The following FOXN3 variants were observed in gnomAD, a reference collection of about 807,000 sequenced individuals.
FOXN3 encodes the protein forkhead box protein N3.
A neutral mutation model predicts 38.4 loss-of-function variants in FOXN3; 7 were observed. The observed-to-expected ratio is 0.18, with a 90% CI of 0.10 to 0.34. FOXN3 has a LOEUF of 0.34. Ranked by LOEUF, FOXN3 falls within the 10% of genes least tolerant of loss-of-function variation. The pLI is 1.00. For synonymous variants in FOXN3, 230 were observed against 242.2 expected, an observed-to-expected ratio of 0.95 and a Z score of 0.47; for missense variants, 456 against 613.4, an observed-to-expected ratio of 0.74 and a Z score of 2.71.
intron 1 of FOXN3, among the ~76,000 whole-genome samples, chr14:89,482,298 G>A (rs977912755): frequency 1.3e-5 from 2 of 152,174 alleles, no homozygotes; most frequent in African/African-American, 4.8e-5. Flanking sequence ...CTGACCAATG[G>A]CCTGTCACCT....
intron 4 of FOXN3, among the ~76,000 whole-genome samples, chr14:89,262,273 G>GA (rs1186714651): frequency 1.3e-5 from 2 of 152,208 alleles, no homozygotes; most frequent in Non-Finnish European, 2.9e-5. Flanking sequence ...ATTCATTGAG[G>GA]ATGGGGCCAG....
At chr14:89,366,595 G>A (rs950625838) in intron 2 of FOXN3, among the ~76,000 whole-genome samples, 5 of 152,202 alleles carry the variant, frequency 3.3e-5, no homozygotes, top group Non-Finnish European at 5.9e-5. Context: ...TAAATAATGT[G>A]TTTAAATACA....
chr14:89,332,016 G>A (rs3783856), intron 3 of FOXN3, among the ~76,000 whole-genome samples: 74,533 of 151,484 alleles, frequency 0.49, 19,882 homozygotes, highest in Admixed American at 0.59. Flanking sequence ...AAGTTATAAT[G>A]AGCTGCGTTT....
intron 1 of FOXN3, among the ~76,000 whole-genome samples, chr14:89,429,399 G>A (rs755644040): frequency 4.6e-5 from 7 of 152,162 alleles, no homozygotes; most frequent in Non-Finnish European, 8.8e-5. Flanking sequence ...GCCTCTCAAC[G>A]CACTGGCTTG....
chr14:89,181,305 A>G (rs1473874368), intron 4 of FOXN3, among the ~76,000 whole-genome samples: 1 of 152,216 alleles, frequency 6.6e-6, no homozygotes, highest in African/African-American at 2.4e-5. Flanking sequence ...ACAACTCAAA[A>G]ACCCCAACAC....
chr14:89,365,994 G>A (rs1890130477), intron 2 of FOXN3, among the ~76,000 whole-genome samples: 1 of 152,220 alleles, frequency 6.6e-6, no homozygotes, highest in Non-Finnish European at 1.5e-5. Context: ...GCTCACGACT[G>A]TAATCCCAGC....
At chr14:89,386,061 A>G (rs910041909) in intron 2 of FOXN3, among the ~76,000 whole-genome samples, 2 of 152,100 alleles carry the variant, frequency 1.3e-5, no homozygotes, top group African/African-American at 4.8e-5. Flanking sequence ...TTGTCAACTC[A>G]GCAAGTTTAT....
chr14:89,591,704 C>T (rs769369002), intron 1 of FOXN3, among the ~76,000 whole-genome samples: 1 of 152,164 alleles, frequency 6.6e-6, no homozygotes, highest in Non-Finnish European at 1.5e-5. Flanking sequence ...GCAGGAGGAT[C>T]GCTTAAGCCC....
chr14:89,327,539 C>T (rs1399682367), intron 3 of FOXN3, among the ~76,000 whole-genome samples: 1 of 152,180 alleles, frequency 6.6e-6, no homozygotes, highest in East Asian at 1.9e-4. Flanking sequence ...TGGTAAAAGG[C>T]ACCTCTACCC....
At chr14:89,289,947 A>G (rs1297538479) in intron 3 of FOXN3, among the ~76,000 whole-genome samples, 1 of 152,238 alleles carries the variant, frequency 6.6e-6, no homozygotes, top group South Asian at 2.1e-4. Context: ...TGAGGGGAAC[A>G]GACTTCTTTT....
At chr14:89,317,144 A>C (rs2139967475) in intron 3 of FOXN3, among the ~76,000 whole-genome samples, 1 of 152,358 alleles carries the variant, frequency 6.6e-6, no homozygotes, top group South Asian at 2.1e-4. Flanking sequence ...AAAAACAAAA[A>C]ATAAGTAAAA....
intron 1 of FOXN3, among the ~76,000 whole-genome samples, chr14:89,505,409 C>T (rs1021581650): frequency 1.3e-5 from 2 of 152,088 alleles, no homozygotes; most frequent in African/African-American, 4.8e-5. Flanking sequence ...CGAGTGCCTG[C>T]GATTGCAGGC....
intron 3 of FOXN3, among the ~76,000 whole-genome samples, chr14:89,331,881 C>T (rs569143900): frequency 6.6e-6 from 1 of 152,164 alleles, no homozygotes; most frequent in African/African-American, 2.4e-5. Flanking sequence ...GAGTGGTAAT[C>T]TTTATTTTAG....
At chr14:89,514,855 C>T (rs560056460) in intron 1 of FOXN3, among the ~76,000 whole-genome samples, 1 of 152,160 alleles carries the variant, frequency 6.6e-6, no homozygotes, top group South Asian at 2.1e-4. Flanking sequence ...TTAAATTGAT[C>T]GCCATCTGTG....
intron 3 of FOXN3, among the ~76,000 whole-genome samples, chr14:89,320,201 C>T (rs1021604758): frequency 6.6e-6 from 1 of 152,158 alleles, no homozygotes; most frequent in South Asian, 2.1e-4. Flanking sequence ...TTGCAGCCTC[C>T]CAAGGGTGGG....
intron 5 of FOXN3, among the ~76,000 whole-genome samples, chr14:89,170,573 G>A (rs1418585696): frequency 6.6e-6 from 1 of 152,118 alleles, no homozygotes; most frequent in African/African-American, 2.4e-5. Flanking sequence ...ACCACGCCTG[G>A]CTGAAATATT....
chr14:89,503,410 AT>A (rs1893842696), intron 1 of FOXN3, among the ~76,000 whole-genome samples: 1 of 152,160 alleles, frequency 6.6e-6, no homozygotes. Flanking sequence ...CATTTCTCAC[AT>A]TCAGTTAGTA....
intron 3 of FOXN3, among the ~76,000 whole-genome samples, chr14:89,345,188 C>T (rs1168857805): frequency 6.6e-6 from 1 of 152,136 alleles, no homozygotes; most frequent in Admixed American, 6.5e-5. Flanking sequence ...TCGTGTGGCT[C>T]AGCAGATCTT....
At chr14:89,399,018 A>G (rs979017447) in intron 2 of FOXN3, among the ~76,000 whole-genome samples, 5 of 152,238 alleles carry the variant, frequency 3.3e-5, no homozygotes, top group African/African-American at 1.2e-4. Flanking sequence ...ATGGTCTTCA[A>G]ATGATCAAAG....
Sources: allele counts gnomAD v4.1 joint callset (sites outside exome capture counted in the v4.1 genomes callset), GRCh38; gene constraint gnomAD v4.1.1; transcripts MANE v1.5; gene names NCBI Gene and HGNC (gene_info 2026-07-23, HGNC 2026-07-21).